The following ATP8A2 variants were observed in gnomAD, a reference collection of about 807,000 sequenced individuals.
ATP8A2 encodes the protein ATPase phospholipid transporting 8A2.
Under a neutral mutation model 165.6 loss-of-function variants are expected in ATP8A2, and 100 were observed. That is an observed-to-expected ratio of 0.60 (90% CI 0.51 to 0.71). The LOEUF (loss-of-function observed/expected upper bound fraction) is 0.71. Ranked by LOEUF, ATP8A2 falls within the 30% of genes least tolerant of loss-of-function variation. ATP8A2 has a pLI of 0.00. For missense variants in ATP8A2, 1,227 were observed against 1,479.5 expected (o/e 0.83, Z 2.80); for synonymous variants, 543 against 548.8 (o/e 0.99, Z 0.15).
chr13:25,495,684 C>G (rs985464004), intron 2 of ATP8A2, among the ~76,000 whole-genome samples: 3 of 135,732 alleles, frequency 2.2e-5, no homozygotes, highest in African/African-American at 8.4e-5. Context: ...TCAGTCTGGT[C>G]TCGAACTCCT....
chr13:25,725,833 T>G (rs1003806653), intron 25 of ATP8A2, among the ~76,000 whole-genome samples: 6 of 152,220 alleles, frequency 3.9e-5, no homozygotes, highest in Non-Finnish European at 8.8e-5. Flanking sequence ...AAAAGATCAG[T>G]CTGATAGCTA....
At chr13:25,773,554 C>A (rs1424921104) in intron 26 of ATP8A2, among the ~76,000 whole-genome samples, 1 of 152,240 alleles carries the variant, frequency 6.6e-6, no homozygotes, top group African/African-American at 2.4e-5. Flanking sequence ...CAACTCAAAC[C>A]ACAGGAGCCA....
chr13:25,906,338 A>G (rs1953937147), intron 33 of ATP8A2, among the ~76,000 whole-genome samples: 1 of 145,584 alleles, frequency 6.9e-6, no homozygotes, highest in South Asian at 2.2e-4. Flanking sequence ...ACAGCTACAA[A>G]CTTGACCTTT....
intron 36 of ATP8A2, among the ~76,000 whole-genome samples, chr13:26,018,055 C>T (rs1338639257): frequency 6.6e-6 from 1 of 152,250 alleles, no homozygotes; most frequent in African/African-American, 2.4e-5. Context: ...CTCCCGCCCA[C>T]TGTCTCTTCC....
chr13:25,468,929 G>C, intron 1 of ATP8A2, 48 bp from the exon 2 acceptor site: 1 of 1,586,448 alleles, frequency 6.3e-7, no homozygotes, highest in Non-Finnish European at 8.6e-7. Flanking sequence ...CCCGCCTGGC[G>C]GTTGACTTCT....
intron 35 of ATP8A2, among the ~76,000 whole-genome samples, chr13:25,977,978 C>T (rs777673749): frequency 6.6e-6 from 1 of 152,150 alleles, no homozygotes; most frequent in Non-Finnish European, 1.5e-5. Context: ...TGAATTATGA[C>T]TTAAATTAGT....
intron 33 of ATP8A2, among the ~76,000 whole-genome samples, chr13:25,904,106 G>C (rs1953855108): frequency 6.6e-6 from 1 of 152,100 alleles, no homozygotes; most frequent in Non-Finnish European, 1.5e-5. Context: ...ATCATCCCTG[G>C]TCTGAAAACC....
intron 25 of ATP8A2, among the ~76,000 whole-genome samples, chr13:25,749,047 A>G (rs1025079987): frequency 4.6e-5 from 7 of 152,196 alleles, no homozygotes; most frequent in Admixed American, 2.0e-4. Context: ...TATAATGCCA[A>G]TTGAGATAGC....
At chr13:25,469,724 T>G (rs578044400) in intron 2 of ATP8A2, among the ~76,000 whole-genome samples, 13 of 152,314 alleles carry the variant, frequency 8.5e-5, no homozygotes, top group Admixed American at 2.6e-4. Context: ...CATAACCTAT[T>G]GAAGCAGGCC....
intron 30 of ATP8A2, among the ~76,000 whole-genome samples, chr13:25,851,803 C>G (rs185150528): frequency 6.6e-6 from 1 of 152,010 alleles, no homozygotes; most frequent in Admixed American, 6.6e-5. Flanking sequence ...TCATGAATTG[C>G]GTTGCTCTGT....
intron 1 of ATP8A2, among the ~76,000 whole-genome samples, chr13:25,453,717 G>C (rs965225261): frequency 8.5e-5 from 13 of 152,196 alleles, no homozygotes; most frequent in Admixed American, 4.6e-4. Context: ...TATAAGAAAA[G>C]TGTTTTGATT....
chr13:25,645,943 G>A (rs2041659401), intron 24 of ATP8A2, among the ~76,000 whole-genome samples: 1 of 152,172 alleles, frequency 6.6e-6, no homozygotes, highest in African/African-American at 2.4e-5. Flanking sequence ...TAGGTTTAAA[G>A]TGTTGTTTAA....
intron 30 of ATP8A2, 43 bp from the exon 31 acceptor site, chr13:25,860,152 G>C (rs769953164): frequency 2.0e-5 from 28 of 1,392,700 alleles, no homozygotes; most frequent in Admixed American, 8.5e-5. Flanking sequence ...AGGTGGCCAT[G>C]CTCAGCTTCT....
intron 4 of ATP8A2, 146 bp from the exon 5 acceptor site, chr13:25,532,126 A>C: frequency 4.4e-6 from 3 of 684,804 alleles, no homozygotes; most frequent in Non-Finnish European, 7.7e-6. Flanking sequence ...ATAGATCACA[A>C]AATTGTCTAA....
chr13:25,551,220 C>T (rs2038811123), intron 10 of ATP8A2, 118 bp from the exon 11 acceptor site: 1 of 993,172 alleles, frequency 1.0e-6, no homozygotes, highest in South Asian at 1.7e-5. Flanking sequence ...GATTATTTGG[C>T]AAAAAAATAG....
chr13:25,472,853 C>T (rs2035884468), intron 2 of ATP8A2, among the ~76,000 whole-genome samples: 1 of 152,206 alleles, frequency 6.6e-6, no homozygotes. Flanking sequence ...CAACCCTAAG[C>T]CAGTTTTGGT....
At chr13:25,923,222 C>T (rs994675869) in intron 33 of ATP8A2, among the ~76,000 whole-genome samples, 2 of 152,194 alleles carry the variant, frequency 1.3e-5, no homozygotes, top group African/African-American at 4.8e-5. Flanking sequence ...ACCAGTGTAG[C>T]CCTGCCAAGA....
rs899684247 is a variant in ATP8A2, at chr13:25,558,831, A to G, written c.1264-142A>G. ...GGTCTAAGCATTAAAATATTAATAT[A>G]TTTTTTGTTACTAATTTGCTTGCTT... On this transcript the variant is annotated intron_variant, in intron 13 of 36. Coordinates refer to ENST00000381655, the MANE Select transcript of ATP8A2 (RefSeq NM_016529.6). 7.2e-6 allele frequency: 4 copies of G among 553,272 alleles called. No individual in the cohort carries two copies. In the Admixed American group the frequency reaches 1.4e-4, roughly 19 times the overall value. 34.3% of individuals were successfully genotyped at this position (553,272 alleles called of 1,614,324 possible).
intron 33 of ATP8A2, among the ~76,000 whole-genome samples, chr13:25,877,676 C>T (rs1298540025): frequency 2.6e-5 from 4 of 152,202 alleles, no homozygotes; most frequent in Admixed American, 2.6e-4. Flanking sequence ...TCTAAACTTT[C>T]ATACTAGCCA....
Sources: gnomAD v4.1 joint callset for allele counts (sites outside exome capture counted in the v4.1 genomes callset) on GRCh38, gnomAD v4.1.1 for gene constraint, MANE v1.5 for transcripts, NCBI Gene and HGNC (gene_info 2026-07-23, HGNC 2026-07-21) for gene names.